DNAJC1: variants seen among roughly 807,000 people sequenced by gnomAD.
The protein encoded by DNAJC1 is DnaJ heat shock protein family (Hsp40) member C1.
In DNAJC1, 58 loss-of-function variants were observed where a neutral mutation model predicts 76.6. The observed-to-expected ratio is 0.76, with a 90% confidence interval of 0.61 to 0.94. The LOEUF is 0.94. Ranked by LOEUF, DNAJC1 falls within the 40% of genes least tolerant of loss-of-function variation. The pLI is 0.00. For missense variants in DNAJC1, 689 were observed against 677.3 expected (o/e 1.02, Z -0.19); for synonymous variants, 258 against 267.9 (o/e 0.96, Z 0.36).
chr10:21,882,427 ACTTT>A lies in DNAJC1; in HGVS notation c.829_832del (p.Lys277LeufsTer14). 1 of 1,501,460 alleles carries A rather than the reference ACTTT, an allele frequency of 6.7e-7. No individual in the cohort carries two copies. The highest frequency in any genetic ancestry group is 8.9e-7 in the Non-Finnish European group (1 of 1,128,098). 93.0% of individuals were successfully genotyped at this position (1,501,460 alleles called of 1,614,324 possible). A position where few individuals can be genotyped will look rare whatever the true frequency, so the allele number is the denominator to read the frequency against. On this transcript the variant is annotated frameshift_variant, in exon 8 of 12. Coordinates refer to ENST00000376980, the MANE Select transcript of DNAJC1 (RefSeq NM_022365.4). LOFTEE classifies it high-confidence loss of function. ...AGGAAATTCAGGTTTTGGTTTTTTAACTTTCTTCTGTTCTAAAAAATGTTTAAAA... is the reference window on the plus strand; with the variant it reads ...AGGAAATTCAGGTTTTGGTTTTTTAACTTCTGTTCTAAAAAATGTTTAAAA...
At position 21,766,884 on chromosome 10, in the gene DNAJC1, C is replaced by T. The variant is rs567088043; in HGVS notation, c.1099-575G>A. Among the ~76,000 whole-genome samples the T allele has an allele frequency of 7.3e-5, 11 of 150,640 alleles. No individual in the cohort carries two copies. In the East Asian group the frequency reaches 9.8e-4, roughly 13 times the overall value. On this transcript the variant is annotated intron_variant, in intron 9 of 11. Coordinates refer to ENST00000376980, the MANE Select transcript of DNAJC1 (RefSeq NM_022365.4). ...ACTCGGGAGGCTGAGGCAGGAGAATCGCTTGAACCCAGGAGGCGGAGGTTG... is the reference window on the plus strand; with the variant it reads ...ACTCGGGAGGCTGAGGCAGGAGAATTGCTTGAACCCAGGAGGCGGAGGTTG...
chr10:21,759,475 C>T lies in DNAJC1; in HGVS notation c.1291G>A (p.Gly431Ser), dbSNP rs1163337523. 9 of 1,614,162 alleles carry T rather than the reference C, an allele frequency of 5.6e-6. No individual in the cohort carries two copies. Among genetic ancestry groups the T allele is most frequent in the African/African-American group, 2.7e-5 (2 of 75,060 alleles). The change falls in exon 11 of 12, where the codon GGT becomes AGT. Residue 431 changes from glycine to serine, a missense_variant. Physicochemically the swap from Gly to Ser is moderately conservative, Grantham distance 56 (BLOSUM62 0). Transcript: ENST00000376980. ...AAEEEQEGDS[G>S]EQETGATDAR... Reference sequence around the variant, plus strand: ...TCAGTGGCCCCGGTCTCCTGCTCACCGGAGTCTCCCTCCTGCTCCTCCTCC... The same window carrying T: ...TCAGTGGCCCCGGTCTCCTGCTCACTGGAGTCTCCCTCCTGCTCCTCCTCC...
At chr10:21,916,851 G>A (rs1041788356) in intron 6 of DNAJC1, among the ~76,000 whole-genome samples, 24 of 152,008 alleles carry the variant, frequency 1.6e-4, no homozygotes, top group Admixed American at 1.2e-3. Context: ...ATATATATTT[G>A]AAAGAGTCTA....
intron 8 of DNAJC1, among the ~76,000 whole-genome samples, chr10:21,828,548 T>C (rs1835301638): frequency 6.6e-6 from 1 of 152,138 alleles, no homozygotes; most frequent in Non-Finnish European, 1.5e-5. Context: ...AGACTTAAAG[T>C]CTTAAGATCA....
intron 8 of DNAJC1, among the ~76,000 whole-genome samples, chr10:21,820,147 T>C (rs538748926): frequency 1.3e-5 from 2 of 152,342 alleles, no homozygotes; most frequent in South Asian, 2.1e-4. Context: ...TCTGTCTCTA[T>C]AGATTTCCCT....
intron 8 of DNAJC1, among the ~76,000 whole-genome samples, chr10:21,816,419 A>G (rs890193699): frequency 2.6e-5 from 4 of 151,230 alleles, no homozygotes; most frequent in Non-Finnish European, 4.4e-5. Flanking sequence ...TCAAAAATCA[A>G]TTGACCAGCT....
At chr10:21,920,608 T>A (rs1837026539) in intron 4 of DNAJC1, 190 bp downstream of exon 4, 2 of 478,330 alleles carry the variant, frequency 4.2e-6, no homozygotes, top group Non-Finnish European at 6.5e-6. Context: ...CCACATTTTT[T>A]AAAAGAAGAA....
chr10:21,826,083 C>A (rs1209794573), intron 8 of DNAJC1, among the ~76,000 whole-genome samples: 1 of 151,844 alleles, frequency 6.6e-6, no homozygotes, highest in Non-Finnish European at 1.5e-5. Context: ...CTAAAAAGTA[C>A]AAAAATTAGC....
chr10:21,836,906 C>T lies in DNAJC1; in HGVS notation c.979-30807G>A, dbSNP rs144045731. Among the ~76,000 whole-genome samples, 896 of 152,266 alleles carry T rather than the reference C, an allele frequency of 5.9e-3. 6 individuals carry two copies. Among genetic ancestry groups the T allele is most frequent in the African/African-American group, 0.017 (693 of 41,556 alleles). On this transcript the variant is annotated intron_variant, in intron 8 of 11. Coordinates refer to ENST00000376980, the MANE Select transcript of DNAJC1 (RefSeq NM_022365.4). ...AGAGCTCCCTCTCCCTCTCCCTCTC[C>T]GTCTCTCCACGGTCTTCCTCTCCCT... is the stretch of plus-strand genomic sequence containing the variant.
At chr10:21,789,983 C>G (rs1834660832) in intron 9 of DNAJC1, among the ~76,000 whole-genome samples, 1 of 142,040 alleles carries the variant, frequency 7.0e-6, no homozygotes, top group Non-Finnish European at 1.5e-5. Flanking sequence ...ACACTCCAGC[C>G]TGGGCAACAC....
intron 8 of DNAJC1, among the ~76,000 whole-genome samples, chr10:21,856,689 T>C (rs1373714805): frequency 1.3e-5 from 2 of 152,150 alleles, no homozygotes; most frequent in Non-Finnish European, 2.9e-5. Context: ...CACTGCAAGA[T>C]AGTTGGAAAA....
chr10:21,876,016 CA>C (rs2131714966), intron 8 of DNAJC1, among the ~76,000 whole-genome samples: 1 of 151,634 alleles, frequency 6.6e-6, no homozygotes, highest in African/African-American at 2.4e-5. Context: ...ATTTGAGACA[CA>C]ATGCCACTTA....
chr10:21,835,380 AAC>A (rs1338639464), intron 8 of DNAJC1, among the ~76,000 whole-genome samples: 1 of 152,186 alleles, frequency 6.6e-6, no homozygotes, highest in East Asian at 1.9e-4. Context: ...ATGGGAAAAA[AAC>A]AGAGCAGAAA....
In DNAJC1 at chr10:21,962,459, C is replaced by CTTTTTTTTTTTTTTTTTTTTTTTTT; in HGVS notation, c.223-33319_223-33318insAAAAAAAAAAAAAAAAAAAAAAAAA. On this transcript the variant is annotated intron_variant, in intron 1 of 11. Transcript: ENST00000376980. ...GCAATTAAAACTTGCTATTTTATTG[C>CTTTTTTTTTTTTTTTTTTTTTTTTT]TTTTTTTTTTTTTTTTTTTTTTTGA... Among the ~76,000 whole-genome samples, 2 of 39,890 alleles carry CTTTTTTTTTTTTTTTTTTTTTTTTT rather than the reference C, an allele frequency of 5.0e-5. 1 individual carries two copies. The highest frequency in any genetic ancestry group is 8.6e-4 in the Admixed American group (2 of 2,328). 26.2% of individuals were successfully genotyped at this position (39,890 alleles called of 152,430 possible). A position where few individuals can be genotyped will look rare whatever the true frequency, so the allele number is the denominator to read the frequency against.
rs928098704 is a variant in DNAJC1, at chr10:21,834,003, A to G, written c.979-27904T>C. Reference sequence around the variant, plus strand: ...CCCCAGGCCAGGTGCGGTGGCTCACACCTGTAATCACAGCACTTTGGGAGG... The same window carrying G: ...CCCCAGGCCAGGTGCGGTGGCTCACGCCTGTAATCACAGCACTTTGGGAGG... On this transcript the variant is annotated intron_variant, in intron 8 of 11. Transcript: ENST00000376980. Among the ~76,000 whole-genome samples the G allele has an allele frequency of 8.9e-4, 135 of 152,038 alleles. 1 individual carries two copies. Among genetic ancestry groups the G allele is most frequent in the Non-Finnish European group, 2.9e-5 (2 of 67,954 alleles).
At chr10:21,824,187 C>A (rs1167674311) in intron 8 of DNAJC1, among the ~76,000 whole-genome samples, 1 of 152,184 alleles carries the variant, frequency 6.6e-6, no homozygotes, top group Non-Finnish European at 1.5e-5. Context: ...ACCATACAGA[C>A]TAAATTCACT....
intron 7 of DNAJC1, among the ~76,000 whole-genome samples, chr10:21,895,826 A>C (rs1418774951): frequency 6.6e-6 from 1 of 152,188 alleles, no homozygotes; most frequent in East Asian, 1.9e-4. Flanking sequence ...GTTTCAAAAA[A>C]GGGGCCCAAA....
chr10:21,770,354 T>C (rs1443415017), intron 9 of DNAJC1, among the ~76,000 whole-genome samples: 1 of 152,108 alleles, frequency 6.6e-6, no homozygotes, highest in Non-Finnish European at 1.5e-5. Flanking sequence ...ATGTGGGTCA[T>C]TTAACTTTTT....
intron 1 of DNAJC1, chr10:21,933,364 C>G (rs1161938123): frequency 6.6e-6 from 1 of 152,552 alleles, no homozygotes; most frequent in African/African-American, 2.4e-5. Context: ...CTGCTAGAAC[C>G]TCCAAACAAG....
Sources: allele counts gnomAD v4.1 joint callset (sites outside exome capture counted in the v4.1 genomes callset), GRCh38; gene constraint gnomAD v4.1.1; transcripts MANE v1.5; gene names NCBI Gene and HGNC (gene_info 2026-07-23, HGNC 2026-07-21).